Variants in SKAP2 observed in about 807,000 individuals in gnomAD.
The protein encoded by SKAP2 is src kinase-associated phosphoprotein 2.
A neutral mutation model predicts 54.9 loss-of-function variants in SKAP2; 28 were observed. The observed-to-expected ratio is 0.51, with a 90% CI of 0.38 to 0.70. SKAP2 has a LOEUF of 0.70. SKAP2 is among the 30% of genes least tolerant of loss of function. The pLI, the probability that SKAP2 is intolerant of heterozygous loss-of-function variation, is 0.00. For synonymous variants in SKAP2, 137 were observed against 134.3 expected (o/e 1.02, Z -0.14); for missense variants, 356 against 424.1 (o/e 0.84, Z 1.41).
At chr7:26,665,540 A>T (rs1446836430), downstream of SKAP2, among the ~76,000 whole-genome samples, 1 of 152,138 alleles carries the variant, frequency 6.6e-6, no homozygotes, top group Non-Finnish European at 1.5e-5. Context: ...TATTTACTGG[A>T]TCCACACCAT....
chr7:26,742,637 A>G (rs2127962923), intron 4 of SKAP2, among the ~76,000 whole-genome samples: 1 of 152,014 alleles, frequency 6.6e-6, no homozygotes, highest in East Asian at 1.9e-4. Context: ...GTGGGGGAGT[A>G]CATTTTTTTT....
chr7:26,681,243 A>G (rs1300333997), intron 11 of SKAP2, among the ~76,000 whole-genome samples: 1 of 152,162 alleles, frequency 6.6e-6, no homozygotes, highest in Admixed American at 6.5e-5. Context: ...TGAGGTCAGG[A>G]GTTCGAGACC....
At chr7:26,756,219 G>A (rs558193605) in intron 4 of SKAP2, among the ~76,000 whole-genome samples, 16 of 152,254 alleles carry the variant, frequency 1.1e-4, no homozygotes, top group African/African-American at 3.9e-4. Context: ...GGGTACAGGT[G>A]CACAACGTGC....
At chr7:26,774,562 C>G (rs761949230) in intron 4 of SKAP2, among the ~76,000 whole-genome samples, 47 of 151,502 alleles carry the variant, frequency 3.1e-4, no homozygotes, top group Non-Finnish European at 6.2e-4. Flanking sequence ...TATATGCTAC[C>G]AGTCAAAATC....
intron 10 of SKAP2, among the ~76,000 whole-genome samples, chr7:26,686,742 A>T (rs558475066): frequency 9.2e-4 from 140 of 152,310 alleles, no homozygotes; most frequent in African/African-American, 3.2e-3. Flanking sequence ...GCAGTCTGTC[A>T]GTGTCAGTTT....
At chr7:26,792,107 A>G (rs1017728094) in intron 4 of SKAP2, among the ~76,000 whole-genome samples, 1 of 152,236 alleles carries the variant, frequency 6.6e-6, no homozygotes, top group Non-Finnish European at 1.5e-5. Context: ...TACATATTGT[A>G]TAATACTATT....
intron 4 of SKAP2, among the ~76,000 whole-genome samples, chr7:26,749,570 A>G (rs1562596456): frequency 6.6e-6 from 1 of 151,902 alleles, no homozygotes; most frequent in Non-Finnish European, 1.5e-5. Context: ...TAACACAGCA[A>G]CACCCCATCT....
At chr7:26,720,064 A>G (rs1787545876) in intron 9 of SKAP2, among the ~76,000 whole-genome samples, 1 of 126,340 alleles carries the variant, frequency 7.9e-6, no homozygotes, top group African/African-American at 2.7e-5. Flanking sequence ...ACACACACAC[A>G]CACACACACA....
At chr7:26,821,745 C>T (rs1002930859) in intron 4 of SKAP2, among the ~76,000 whole-genome samples, 4 of 152,052 alleles carry the variant, frequency 2.6e-5, no homozygotes, top group Admixed American at 1.3e-4. Context: ...TCAAGATTCA[C>T]GTTAAGCATA....
chr7:26,773,573 C>G (rs574887170), intron 4 of SKAP2, among the ~76,000 whole-genome samples: 1 of 152,300 alleles, frequency 6.6e-6, no homozygotes, highest in South Asian at 2.1e-4. Flanking sequence ...TCCAACTAAA[C>G]CTCCTAACTT....
At chr7:26,853,078 A>G (rs188311297) in intron 3 of SKAP2, among the ~76,000 whole-genome samples, 275 of 152,282 alleles carry the variant, frequency 1.8e-3, no homozygotes, top group African/African-American at 6.2e-3. Context: ...AATATGAAAA[A>G]AAAATCTCTT....
chr7:26,840,308 T>C (rs1156571710), intron 4 of SKAP2, among the ~76,000 whole-genome samples: 2 of 152,128 alleles, frequency 1.3e-5, no homozygotes, highest in Admixed American at 6.6e-5. Flanking sequence ...CTGGGATCCT[T>C]CGACCTATCG....
intron 4 of SKAP2, among the ~76,000 whole-genome samples, chr7:26,752,655 T>C (rs1179420917): frequency 2.0e-5 from 3 of 152,204 alleles, no homozygotes; most frequent in Non-Finnish European, 4.4e-5. Flanking sequence ...CAACTCTTTT[T>C]ATGTTGCTGC....
chr7:26,795,921 A>G (rs1254687115), intron 4 of SKAP2, among the ~76,000 whole-genome samples: 1 of 152,230 alleles, frequency 6.6e-6, no homozygotes, highest in Non-Finnish European at 1.5e-5. Context: ...GCACGAGTCC[A>G]CTTATCCATG....
intron 4 of SKAP2, among the ~76,000 whole-genome samples, chr7:26,749,791 T>C (rs1782642319): frequency 6.6e-6 from 1 of 150,534 alleles, no homozygotes; most frequent in African/African-American, 2.4e-5. Context: ...TAATAGGTCC[T>C]ACTTCTTTCT....
chr7:26,863,294 G>A (rs1785305674), intron 1 of SKAP2, among the ~76,000 whole-genome samples: 1 of 152,116 alleles, frequency 6.6e-6, no homozygotes, highest in South Asian at 2.1e-4. Context: ...TCACATTTTA[G>A]ATGACATTGC....
At chr7:26,684,275 T>A (rs867162102) in intron 11 of SKAP2, among the ~76,000 whole-genome samples, 3 of 152,292 alleles carry the variant, frequency 2.0e-5, no homozygotes, top group South Asian at 2.1e-4. Context: ...TAGAAAAGCA[T>A]TGCTTTTAAA....
intron 9 of SKAP2, among the ~76,000 whole-genome samples, chr7:26,724,422 G>T (rs1335683345): frequency 6.6e-6 from 1 of 152,066 alleles, no homozygotes; most frequent in African/African-American, 2.4e-5. Flanking sequence ...CAATGGTACA[G>T]CCAGAATTTA....
At chr7:26,761,793 G>T (rs1477359551) in intron 4 of SKAP2, among the ~76,000 whole-genome samples, 1 of 152,272 alleles carries the variant, frequency 6.6e-6, no homozygotes, top group East Asian at 1.9e-4. Flanking sequence ...CCGGCAACTC[G>T]GGAGTCTGAG....
Sources: gnomAD v4.1 joint callset for allele counts (sites outside exome capture counted in the v4.1 genomes callset) on GRCh38, gnomAD v4.1.1 for gene constraint, MANE v1.5 for transcripts, NCBI Gene and HGNC (gene_info 2026-07-23, HGNC 2026-07-21) for gene names.